Variants in EYA4 observed in about 807,000 individuals in gnomAD.
EYA4 encodes protein phosphatase EYA4.
Under a neutral mutation model 87.9 loss-of-function variants are expected in EYA4, and 31 were observed. The ratio of observed to expected loss-of-function variants is 0.35; its 90% CI spans 0.27 to 0.48. The LOEUF (loss-of-function observed/expected upper bound fraction) is 0.48, where lower values mean the gene tolerates loss of function less well. EYA4 is among the 20% of genes least tolerant of loss of function. EYA4 has a pLI of 0.99. For missense variants in EYA4, 678 were observed against 761.4 expected, an observed-to-expected ratio of 0.89 and a Z score of 1.29; for synonymous variants, 263 against 270.6, an observed-to-expected ratio of 0.97 and a Z score of 0.28.
chr6:133,395,908 G>T (rs967196783), intron 3 of EYA4, among the ~76,000 whole-genome samples: 1 of 152,134 alleles, frequency 6.6e-6, no homozygotes, highest in African/African-American at 2.4e-5. Flanking sequence ...AGAAAGTCTT[G>T]TTTGCATGAT....
At chr6:133,299,935 C>CTATATATA (rs1357039171) in intron 2 of EYA4, among the ~76,000 whole-genome samples, 26 of 125,244 alleles carry the variant, frequency 2.1e-4, no homozygotes, top group African/African-American at 8.2e-4. Context: ...CTCTATCTAT[C>CTATATATA]TATCTATCTA....
At chr6:133,282,233 C>G (rs1279941352) in intron 2 of EYA4, among the ~76,000 whole-genome samples, 1 of 151,998 alleles carries the variant, frequency 6.6e-6, no homozygotes, top group Non-Finnish European at 1.5e-5. Context: ...TCCTTTTTTT[C>G]TGCAGCCTTG....
At chr6:133,507,887 C>T (rs1798786197) in intron 14 of EYA4, among the ~76,000 whole-genome samples, 1 of 151,928 alleles carries the variant, frequency 6.6e-6, no homozygotes, top group Admixed American at 6.6e-5. Context: ...GGGTATATAC[C>T]CAGTAGTGGA....
At chr6:133,488,653 G>A (rs1796882116) in intron 13 of EYA4, among the ~76,000 whole-genome samples, 1 of 131,690 alleles carries the variant, frequency 7.6e-6, no homozygotes, top group Non-Finnish European at 1.8e-5. Context: ...ACCAAGAAGA[G>A]GGCATCTCTA....
intron 6 of EYA4, among the ~76,000 whole-genome samples, chr6:133,459,345 A>T (rs1313158933): frequency 6.6e-6 from 1 of 152,096 alleles, no homozygotes; most frequent in African/African-American, 2.4e-5. Context: ...ATATATTCAG[A>T]ATTGAGTTCA....
intron 3 of EYA4, 58 bp from the exon 4 acceptor site, chr6:133,446,572 C>T (rs1372700355): frequency 1.3e-6 from 2 of 1,596,842 alleles, no homozygotes; most frequent in Non-Finnish European, 1.7e-6. Flanking sequence ...TATTTGTAAT[C>T]TATTAAAAAA....
At chr6:133,425,921 C>T (rs771124992) in intron 3 of EYA4, among the ~76,000 whole-genome samples, 12 of 150,836 alleles carry the variant, frequency 8.0e-5, no homozygotes, top group Non-Finnish European at 1.5e-4. Flanking sequence ...ATGCTTTTCA[C>T]GCTTTCTCCC....
intron 17 of EYA4, among the ~76,000 whole-genome samples, chr6:133,521,832 G>A (rs1222883752): frequency 3.9e-5 from 5 of 129,266 alleles, no homozygotes; most frequent in Admixed American, 2.4e-4. Context: ...GGATGAAATT[G>A]GAAATCATCA....
chr6:133,477,203 A>G (rs891657296), intron 11 of EYA4, among the ~76,000 whole-genome samples: 1 of 152,052 alleles, frequency 6.6e-6, no homozygotes, highest in Non-Finnish European at 1.5e-5. Context: ...GTGAAAATGG[A>G]CTAAATGGCT....
chr6:133,321,992 T>C (rs1781128459), intron 2 of EYA4, among the ~76,000 whole-genome samples: 1 of 152,198 alleles, frequency 6.6e-6, no homozygotes, highest in African/African-American at 2.4e-5. Flanking sequence ...TTAAAAGATA[T>C]CAGTTACAGC....
chr6:133,302,426 T>G (rs1779480947), intron 2 of EYA4, among the ~76,000 whole-genome samples: 2 of 152,176 alleles, frequency 1.3e-5, no homozygotes, highest in Non-Finnish European at 2.9e-5. Context: ...TGTACAAAAA[T>G]TCATAACACT....
intron 2 of EYA4, among the ~76,000 whole-genome samples, chr6:133,345,008 T>G (rs1583017317): frequency 6.6e-6 from 1 of 152,158 alleles, no homozygotes; most frequent in South Asian, 2.1e-4. Context: ...AGGAACAGTC[T>G]TATTATTTCT....
At chr6:133,477,069 G>C (rs112217244) in intron 11 of EYA4, among the ~76,000 whole-genome samples, 13,570 of 151,996 alleles carry the variant, frequency 0.089, 1,189 homozygotes, top group African/African-American at 0.21. Flanking sequence ...AAGGTGCCTT[G>C]CTTCCCCTTC....
At chr6:133,461,053 A>ACTCT (rs1255145915) in intron 6 of EYA4, 61 bp from the exon 7 acceptor site, 39 of 1,058,496 alleles carry the variant, frequency 3.7e-5, no homozygotes, top group Non-Finnish European at 5.4e-5. Flanking sequence ...GGTTATGTAC[A>ACTCT]CTCTAGTGAA....
intron 2 of EYA4, among the ~76,000 whole-genome samples, chr6:133,355,801 T>C (rs1410068978): frequency 6.6e-6 from 1 of 152,220 alleles, no homozygotes; most frequent in African/African-American, 2.4e-5. Flanking sequence ...TAAGAGGGCA[T>C]GCTTTTATTA....
intron 2 of EYA4, among the ~76,000 whole-genome samples, chr6:133,361,264 A>G (rs1254996961): frequency 2.0e-5 from 3 of 152,192 alleles, no homozygotes; most frequent in Non-Finnish European, 2.9e-5. Flanking sequence ...GTCCAGAATG[A>G]TAATAAAGAT....
rs1298560522 is a variant in EYA4, at chr6:133,529,058, C to T, written c.*253C>T. ...TAAAAATCTGTGGAGGTTGCTGGTA[C>T]ACACCAAATGAGTCCAAACTGGAAT... On this transcript the variant is annotated 3_prime_UTR_variant, in exon 20 of 20. Coordinates refer to ENST00000355286, the MANE Select transcript of EYA4 (RefSeq NM_004100.5). 3 of 1,263,906 alleles carry T rather than the reference C, an allele frequency of 2.4e-6. No homozygotes were observed. The highest frequency in any genetic ancestry group is 1.5e-5 in the African/African-American group (1 of 65,138). 78.3% of individuals were successfully genotyped at this position (1,263,906 alleles called of 1,614,324 possible).
intron 1 of EYA4, among the ~76,000 whole-genome samples, chr6:133,257,648 A>G (rs533619354): frequency 1.4e-4 from 22 of 152,338 alleles, no homozygotes; most frequent in Admixed American, 5.2e-4. Flanking sequence ...TTAAATTTCA[A>G]GCAATATACT....
In EYA4 at chr6:133,319,566, C is replaced by T. The variant is rs559152384; in HGVS notation, c.33+44753C>T. The stretch of plus-strand genomic sequence containing the variant: ...TTTTAATTAAACTTTTTTATATCAA[C>T]ATTGCTGTATCAGCTTTCTTTTGGC... On this transcript the variant is annotated intron_variant, in intron 2 of 19. Coordinates refer to ENST00000355286, the MANE Select transcript of EYA4 (RefSeq NM_004100.5). Among the ~76,000 whole-genome samples the T allele has an allele frequency of 2.0e-5, 3 of 150,396 alleles. No individual in the cohort carries two copies. The South Asian group carries it at 6.4e-4, about 32-fold the overall frequency.
Sources: gnomAD v4.1 joint callset for allele counts (sites outside exome capture counted in the v4.1 genomes callset) on GRCh38, gnomAD v4.1.1 for gene constraint, MANE v1.5 for transcripts, NCBI Gene and HGNC (gene_info 2026-07-23, HGNC 2026-07-21) for gene names.